Variants in IL3RA observed in about 807,000 individuals in gnomAD.
IL3RA encodes the protein interleukin-3 receptor subunit alpha.
A neutral mutation model predicts 52.3 loss-of-function variants in IL3RA; 73 were observed. That is an observed-to-expected ratio of 1.40 (90% CI 1.16 to 1.70). The LOEUF (loss-of-function observed/expected upper bound fraction) is 1.70. IL3RA is among the 40% of genes most tolerant of loss of function. IL3RA has a pLI of 0.00. For synonymous variants in IL3RA, 260 were observed against 194.0 expected (o/e 1.34, Z -2.83); for missense variants, 664 against 504.4 (o/e 1.32, Z -3.03).
intron 8 of IL3RA, among the ~76,000 whole-genome samples, chrX:1,362,032 C>G (rs2087443881): frequency 6.6e-6 from 1 of 151,966 alleles, no homozygotes; most frequent in Admixed American, 6.6e-5. Flanking sequence ...TTCTTTCCCT[C>G]TCTCTGTCTC....
At chrX:1,361,626 G>A (rs2087377963) in intron 8 of IL3RA, among the ~76,000 whole-genome samples, 2 of 151,822 alleles carry the variant, frequency 1.3e-5, no homozygotes, top group Admixed American at 1.3e-4. Context: ...GGTGGCAGGC[G>A]CCTGTGGTCC....
In IL3RA at chrX:1,382,460, A is replaced by G. The variant is rs747236892; in HGVS notation, c.1132A>G (p.Thr378Ala). ...GACTGAAGTACAGGTCGTGCAGAAA[A>G]CTTGAGACTGGGGTTCAGGGCTTGT... Reference protein sequence around the residue: ...LVTEVQVVQKT With the variant: ...LVTEVQVVQKA The change falls in exon 12 of 12, where the codon ACT (threonine) becomes GCT (alanine). Residue 378 changes from threonine (T) to alanine (A), a missense_variant. Thr to Ala is a moderately conservative substitution (Grantham distance 58). Coordinates refer to ENST00000331035, the MANE Select transcript of IL3RA (RefSeq NM_002183.4). The G allele has an allele frequency of 1.2e-6, 2 of 1,613,568 alleles. No homozygotes were observed. Among genetic ancestry groups the G allele is most frequent in the Non-Finnish European group, 1.7e-6 (2 of 1,179,760 alleles).
At chrX:1,357,159 G>A (rs1485578024) in intron 7 of IL3RA, among the ~76,000 whole-genome samples, 3 of 152,050 alleles carry the variant, frequency 2.0e-5, no homozygotes, top group African/African-American at 4.8e-5. Flanking sequence ...TCATCATGTT[G>A]GCCAGGCTGG....
chrX:1,379,248 C>T (rs1334070504), intron 10 of IL3RA, among the ~76,000 whole-genome samples: 2 of 150,680 alleles, frequency 1.3e-5, no homozygotes, highest in African/African-American at 2.4e-5. Flanking sequence ...CTCCACCTCC[C>T]GGGTTCAAGT....
At position 1,354,943 on chromosome X, in the gene IL3RA, G is replaced by C. The variant is rs771700815; in HGVS notation, c.617-1278G>C. Among the ~76,000 whole-genome samples the C allele has an allele frequency of 5.1e-4, 6 of 11,656 alleles. 1 individual carries two copies. The East Asian group carries it at 0.011, about 22-fold the overall frequency. 7.6% of individuals were successfully genotyped at this position (11,656 alleles called of 152,430 possible). On this transcript the variant is annotated intron_variant, in intron 6 of 11. Transcript: ENST00000331035. ...GGGTGGTGAGGTGGGGAGGGAGAAG[G>C]AGGGGGAGGAGGAGAGAGGAGGACT... is the stretch of plus-strand genomic sequence containing the variant.
intron 2 of IL3RA, among the ~76,000 whole-genome samples, chrX:1,344,199 T>C (rs1178049959): frequency 5.9e-5 from 9 of 152,018 alleles, no homozygotes; most frequent in Admixed American, 2.6e-4. Context: ...TTTGGGAGGC[T>C]GAGGCAGGCA....
At chrX:1,348,334 C>G in intron 3 of IL3RA, 97 bp from the exon 4 acceptor site, 2 of 946,376 alleles carry the variant, frequency 2.1e-6, no homozygotes, top group Non-Finnish European at 3.5e-6. Flanking sequence ...GCGTGGGCGA[C>G]GAGAGCGAAA....
In IL3RA at chrX:1,352,325, G is replaced by T; in HGVS notation, c.435G>T (p.Arg145Ser). The T allele has an allele frequency of 6.2e-7, 1 of 1,613,844 alleles. No homozygotes were observed. Among genetic ancestry groups the T allele is most frequent in the South Asian group, 1.1e-5 (1 of 91,084 alleles). The change falls in exon 6 of 12, where the codon AGG becomes AGT. Residue 145 changes from arginine to serine, a missense_variant. Transcript: ENST00000331035. ...CCAACCTTACCGCTTACCGCAGCAGGCGTCAACAGTACGAGTGTCTTCACT... is the reference window on the plus strand; with the variant it reads ...CCAACCTTACCGCTTACCGCAGCAGTCGTCAACAGTACGAGTGTCTTCACT... ...QYDLYLNVANRRQQYECLHYK... is the reference protein window; with the variant it reads ...QYDLYLNVANSRQQYECLHYK...
chrX:1,380,898 C>T, intron 10 of IL3RA, 125 bp from the exon 11 acceptor site: 11 of 792,100 alleles, frequency 1.4e-5, no homozygotes, highest in Non-Finnish European at 2.4e-5. Context: ...AAATAGAGAC[C>T]CCTCGAGTAG....
intron 9 of IL3RA, among the ~76,000 whole-genome samples, chrX:1,377,843 C>T (rs2088889013): frequency 6.8e-6 from 1 of 146,332 alleles, no homozygotes; most frequent in East Asian, 2.0e-4. Context: ...TGAGATAGCA[C>T]CACAGCACTG....
intron 4 of IL3RA, 138 bp downstream of exon 4, chrX:1,348,683 TTTCTTTC>T (rs1355269337): frequency 3.7e-6 from 1 of 272,312 alleles, no homozygotes; most frequent in East Asian, 3.4e-5. Flanking sequence ...TCTTTCTTTC[TTTCTTTC>T]TTTTTCTTTC....
chrX:1,348,656 T>G lies in IL3RA; in HGVS notation c.298+111T>G, dbSNP rs1216524925. On this transcript the variant is annotated intron_variant, in intron 4 of 11. Transcript: ENST00000331035. The stretch of plus-strand genomic sequence containing the variant: ...TTCTTTTCTTTTTCTCTTTCTTTCT[T>G]TCTTTCTTTCTTTCTTTCTTTCTTT... The G allele has an allele frequency of 1.4e-5, 6 of 414,390 alleles. No homozygotes were observed. The South Asian group carries it at 1.9e-4, about 13-fold the overall frequency. 25.7% of individuals were successfully genotyped at this position (414,390 alleles called of 1,614,324 possible).
intron 4 of IL3RA, among the ~76,000 whole-genome samples, chrX:1,349,971 G>T (rs2086010427): frequency 1.3e-5 from 2 of 151,772 alleles, no homozygotes; most frequent in South Asian, 2.1e-4. Flanking sequence ...TTATTTTTAA[G>T]TTTAATGGAT....
In IL3RA at chrX:1,374,068, G is replaced by GA. The variant is rs759559746; in HGVS notation, c.875-4591_875-4590insA. 1.4e-3 allele frequency among the ~76,000 whole-genome samples: 67 copies of GA among 48,294 alleles called. 4 individuals are homozygous for GA. Among genetic ancestry groups the GA allele is most frequent in the Non-Finnish European group, 1.6e-3 (50 of 30,864 alleles). The allele number at this position is 48,294 out of a possible 152,430, so 31.7% of individuals were successfully genotyped here. A position where few individuals can be genotyped will look rare whatever the true frequency, so the allele number is the denominator to read the frequency against. The stretch of plus-strand genomic sequence containing the variant: ...GACACACACGGAGGGACGACCCTGT[G>GA]GGACACAGGGAGAAGACGGCGTCTC... On this transcript the variant is annotated intron_variant, in intron 9 of 11. Transcript: ENST00000331035.
At chrX:1,348,576 T>A in intron 4 of IL3RA, 31 bp downstream of exon 4, 1 of 1,513,002 alleles carries the variant, frequency 6.6e-7, no homozygotes, top group Non-Finnish European at 9.2e-7. Context: ...TTGTTTATTC[T>A]CTATTCCCTC....
At chrX:1,346,993 T>C (rs1289988815) in intron 3 of IL3RA, among the ~76,000 whole-genome samples, 2 of 151,156 alleles carry the variant, frequency 1.3e-5, no homozygotes, top group African/African-American at 2.5e-5. Flanking sequence ...CCCAGAGCGA[T>C]TTTACCATAC....
intron 4 of IL3RA, among the ~76,000 whole-genome samples, chrX:1,349,478 C>T (rs1205774355): frequency 2.0e-5 from 3 of 151,826 alleles, no homozygotes; most frequent in Non-Finnish European, 4.4e-5. Flanking sequence ...CCGCGCCCAG[C>T]CTTAAATACT....
intron 1 of IL3RA, among the ~76,000 whole-genome samples, chrX:1,338,013 T>G (rs1569518532): frequency 6.9e-6 from 1 of 144,342 alleles, no homozygotes; most frequent in Non-Finnish European, 1.5e-5. Context: ...TATAGATGAA[T>G]GGAGAAATAT....
chrX:1,348,676 TTCTTTCTTTC>T, intron 4 of IL3RA, 131 bp downstream of exon 4: 1 of 396,248 alleles, frequency 2.5e-6, no homozygotes, highest in Non-Finnish European at 4.5e-6. Flanking sequence ...CTTTCTTTCT[TTCTTTCTTTC>T]TTTCTTTTTC....
Sources: allele counts gnomAD v4.1 joint callset (sites outside exome capture counted in the v4.1 genomes callset), GRCh38; gene constraint gnomAD v4.1.1; transcripts MANE v1.5; gene names NCBI Gene and HGNC (gene_info 2026-07-23, HGNC 2026-07-21).